SGK3: variants seen among roughly 807,000 people sequenced by gnomAD.
The protein encoded by SGK3 is serum/glucocorticoid regulated kinase family member 3, also known as serine/threonine-protein kinase Sgk3.
In SGK3, 47 loss-of-function variants were observed where a neutral mutation model predicts 68.5. The ratio of observed to expected loss-of-function variants is 0.69; its 90% confidence interval spans 0.54 to 0.87. The LOEUF is 0.87. Ranked by LOEUF, SGK3 falls within the 40% of genes least tolerant of loss-of-function variation. The pLI is 0.00. For missense variants in SGK3, 479 were observed against 575.5 expected (o/e 0.83, Z 1.72); for synonymous variants, 181 against 189.1 (o/e 0.96, Z 0.35).
chr8:66,779,208 A>G (rs1806850564), intron 1 of SGK3, among the ~76,000 whole-genome samples: 2 of 152,128 alleles, frequency 1.3e-5, no homozygotes, highest in Non-Finnish European at 2.9e-5. Context: ...TTATAGTTTT[A>G]CTAAGTTTGA....
intron 8 of SGK3, 108 bp from the exon 9 acceptor site, chr8:66,835,655 G>A: frequency 8.2e-7 from 1 of 1,226,792 alleles, no homozygotes; most frequent in Non-Finnish European, 1.1e-6. Flanking sequence ...GGTCCCTTAT[G>A]GACTTTCTTT....
intron 4 of SGK3, among the ~76,000 whole-genome samples, chr8:66,806,735 T>A (rs1294942568): frequency 6.7e-6 from 1 of 148,174 alleles, no homozygotes; most frequent in Non-Finnish European, 1.5e-5. Flanking sequence ...ATCACTTGAA[T>A]CCAGGAGTCG....
At position 66,850,974 on chromosome 8, in the gene SGK3, C is replaced by A; in HGVS notation, c.1320+54C>A. 9 of 1,513,306 alleles carry A rather than the reference C, an allele frequency of 5.9e-6. No homozygotes were observed. The South Asian group carries it at 1.1e-4, about 19-fold the overall frequency. The allele number at this position is 1,513,306 out of a possible 1,614,324, so 93.7% of individuals were successfully genotyped here. On this transcript the variant is annotated intron_variant, in intron 16 of 16. Coordinates refer to ENST00000521198, the MANE Select transcript of SGK3 (RefSeq NM_001033578.3). Reference sequence around the variant, plus strand: ...AGAATCGTGAAACTTAATAGCAGTTCATTGTAAGTTTGAAACTAGATCTCA... The same window carrying A: ...AGAATCGTGAAACTTAATAGCAGTTAATTGTAAGTTTGAAACTAGATCTCA...
In SGK3 at chr8:66,861,991, A is replaced by G. The variant is rs1445248033; in HGVS notation, c.*2410A>G. ...CTCAGATCACAAGAAATACAAATCT[A>G]TATAGTATAATAAAATCAGCAAAAA... On this transcript the variant is annotated 3_prime_UTR_variant, in exon 17 of 17. Coordinates refer to ENST00000521198, the MANE Select transcript of SGK3 (RefSeq NM_001033578.3). 6.6e-6 allele frequency: 1 copy of G among 152,192 alleles called. No homozygotes were observed. Among genetic ancestry groups the G allele is most frequent in the South Asian group, 2.1e-4 (1 of 4,832 alleles). The allele number at this position is 152,192 out of a possible 1,614,324, so 9.4% of individuals were successfully genotyped here.
intron 6 of SGK3, 119 bp downstream of exon 6, chr8:66,822,578 T>G: frequency 4.6e-6 from 4 of 877,718 alleles, no homozygotes; most frequent in Non-Finnish European, 6.8e-6. Flanking sequence ...TTCTACTATG[T>G]AGAACACATA....
intron 2 of SGK3, among the ~76,000 whole-genome samples, chr8:66,795,435 A>G (rs1234888328): frequency 6.6e-6 from 1 of 152,222 alleles, no homozygotes; most frequent in Non-Finnish European, 1.5e-5. Context: ...AAGGTAAACA[A>G]AGGTTGATAT....
At chr8:66,768,437 T>C (rs1806396800) in intron 1 of SGK3, among the ~76,000 whole-genome samples, 2 of 151,970 alleles carry the variant, frequency 1.3e-5, no homozygotes, top group Non-Finnish European at 2.9e-5. Context: ...TTTTTCAGTC[T>C]GAAAAAATCT....
At position 66,850,829 on chromosome 8, in the gene SGK3, A is replaced by G. The variant is rs757874714; in HGVS notation, c.1231-2A>G. ...TAAAACAAATTTTTTTTAATATTCCAGCTTGAAATTCAGAATCATCCTTTT... is the reference window on the plus strand; with the variant it reads ...TAAAACAAATTTTTTTTAATATTCCGGCTTGAAATTCAGAATCATCCTTTT... On this transcript the variant is annotated splice_acceptor_variant, in intron 15 of 16. Coordinates refer to ENST00000521198, the MANE Select transcript of SGK3 (RefSeq NM_001033578.3). LOFTEE classifies it high-confidence loss of function. The G allele has an allele frequency of 1.3e-6, 2 of 1,597,788 alleles. No individual in the cohort carries two copies. Among genetic ancestry groups the G allele is most frequent in the Non-Finnish European group, 8.5e-7 (1 of 1,171,042 alleles).
intron 1 of SGK3, among the ~76,000 whole-genome samples, chr8:66,755,489 G>A (rs1190876992): frequency 6.6e-6 from 1 of 152,226 alleles, no homozygotes; most frequent in East Asian, 1.9e-4. Flanking sequence ...GAAAGTTTTG[G>A]ATTTTGAAAC....
intron 1 of SGK3, among the ~76,000 whole-genome samples, chr8:66,782,769 T>C (rs1807043141): frequency 6.6e-6 from 1 of 152,232 alleles, no homozygotes; most frequent in Non-Finnish European, 1.5e-5. Context: ...CATAGTGATA[T>C]GCATTTAAGG....
At chr8:66,730,845 T>C (rs1204210121) in intron 1 of SGK3, among the ~76,000 whole-genome samples, 3 of 103,306 alleles carry the variant, frequency 2.9e-5, no homozygotes, top group Non-Finnish European at 5.3e-5. Flanking sequence ...GCCTGGCTAA[T>C]TTTTTTTTTT....
intron 4 of SGK3, among the ~76,000 whole-genome samples, chr8:66,812,968 G>T (rs997808616): frequency 1.2e-4 from 19 of 152,134 alleles, no homozygotes; most frequent in African/African-American, 4.6e-4. Context: ...AAAAATACTG[G>T]ACAGGCTGGG....
Position 66,859,831 on chromosome 8 carries a change from G to T in SGK3, c.*250G>T. On this transcript the variant is annotated 3_prime_UTR_variant, in exon 17 of 17. Coordinates refer to ENST00000521198, the MANE Select transcript of SGK3 (RefSeq NM_001033578.3). ...AACAATTTAAAAGCTATTATTCTTA[G>T]CATTAACCTATTTTTAAAGAAACCT... 2 of 346,614 alleles carry T rather than the reference G, an allele frequency of 5.8e-6. No individual in the cohort carries two copies. Among genetic ancestry groups the T allele is most frequent in the South Asian group, 9.1e-5 (1 of 10,980 alleles). The allele number at this position is 346,614 out of a possible 1,614,324, so 21.5% of individuals were successfully genotyped here.
At chr8:66,770,938 A>G (rs189607543) in intron 1 of SGK3, among the ~76,000 whole-genome samples, 284 of 152,306 alleles carry the variant, frequency 1.9e-3, no homozygotes, top group African/African-American at 6.4e-3. Flanking sequence ...GGTATCTGAA[A>G]GTAGTAAGCT....
At chr8:66,804,352 A>G (rs372976341) in intron 3 of SGK3, 23 bp from the exon 4 acceptor site, 3 of 1,586,882 alleles carry the variant, frequency 1.9e-6, no homozygotes, top group Non-Finnish European at 2.6e-6. Flanking sequence ...TAGTTCATAT[A>G]ATGTTATTTT....
At chr8:66,806,348 CT>C (rs1808162923) in intron 4 of SGK3, among the ~76,000 whole-genome samples, 1 of 152,074 alleles carries the variant, frequency 6.6e-6, no homozygotes, top group African/African-American at 2.4e-5. Context: ...TATTTTATTA[CT>C]TTAAAACTGG....
chr8:66,828,751 A>G (rs1416110432), intron 7 of SGK3, 48 bp downstream of exon 7: 3 of 1,602,546 alleles, frequency 1.9e-6, no homozygotes, highest in East Asian at 2.2e-5. Context: ...TTTTAGGAAG[A>G]TCTTTTTTGA....
chr8:66,713,819 A>C (rs2130307841), intron 1 of SGK3, among the ~76,000 whole-genome samples: 1 of 152,334 alleles, frequency 6.6e-6, no homozygotes, highest in East Asian at 1.9e-4. Flanking sequence ...TCATTGGAAG[A>C]GCTGTAAACA....
intron 1 of SGK3, among the ~76,000 whole-genome samples, chr8:66,773,052 G>A (rs1563619489): frequency 1.3e-5 from 2 of 152,312 alleles, no homozygotes; most frequent in South Asian, 2.1e-4. Flanking sequence ...CTGTAGTCAA[G>A]ACCGGTAGCT....
Sources: allele counts gnomAD v4.1 joint callset (sites outside exome capture counted in the v4.1 genomes callset), GRCh38; gene constraint gnomAD v4.1.1; transcripts MANE v1.5; gene names NCBI Gene and HGNC (gene_info 2026-07-23, HGNC 2026-07-21).